STK36: variants seen among roughly 807,000 people sequenced by gnomAD.
STK36 encodes serine/threonine kinase 36.
Under a neutral mutation model 142.2 loss-of-function variants are expected in STK36, and 116 were observed. The observed-to-expected ratio is 0.82, with a 90% CI of 0.70 to 0.95. STK36 has a LOEUF of 0.95. STK36 is among the 40% of genes least tolerant of loss of function. The pLI is 0.00. For synonymous variants in STK36, 619 were observed against 641.7 expected (o/e 0.96, Z 0.53); for missense variants, 1,422 against 1,617.2 (o/e 0.88, Z 2.07).
intron 7 of STK36, 133 bp from the exon 8 acceptor site, chr2:218,679,427 A>G (rs1039601082): frequency 1.7e-5 from 22 of 1,305,520 alleles, no homozygotes; most frequent in Middle Eastern, 2.6e-4. Context: ...CTTACAACCC[A>G]CTCTCTCTCT....
At chr2:218,675,604 A>T in intron 5 of STK36, 131 bp downstream of exon 5, 2 of 1,112,862 alleles carry the variant, frequency 1.8e-6, no homozygotes, top group Non-Finnish European at 1.2e-6. Flanking sequence ...CACTCACCAC[A>T]ACCTCTGCCT....
Position 218,694,390 on chromosome 2 carries a change from G to T in STK36, c.2400+63G>T, listed in dbSNP as rs1291912269. On this transcript the variant is annotated intron_variant, in intron 20 of 26. Coordinates refer to ENST00000295709, the MANE Select transcript of STK36 (RefSeq NM_015690.5). This position sits in a 1 kb window ranked among gnomAD's most constrained non-coding sequence, Gnocchi z 4.4. ...CTAGCATCTACCCCTTGTGGAAGTGGGGGAGTCACTATCCAATTTGCATCT... is the reference window on the plus strand; with the variant it reads ...CTAGCATCTACCCCTTGTGGAAGTGTGGGAGTCACTATCCAATTTGCATCT... 6.5e-7 allele frequency: 1 copy of T among 1,542,044 alleles called. No homozygotes were observed. Among genetic ancestry groups the T allele is most frequent in the Non-Finnish European group, 9.0e-7 (1 of 1,114,776 alleles).
chr2:218,695,450 T>G (rs1020919168), intron 21 of STK36, among the ~76,000 whole-genome samples: 3 of 150,836 alleles, frequency 2.0e-5, no homozygotes, highest in Admixed American at 2.0e-4. Context: ...GGTCTCGAAC[T>G]CCTGACCTCA....
chr2:218,675,385 C>G lies in STK36; in HGVS notation c.346C>G (p.Leu116Val), dbSNP rs139721261. ...AAQLVSALYY[L>V]HSHRILHRDM... The stretch of plus-strand genomic sequence containing the variant: ...CCAGTTGGTGTCAGCCCTGTACTAT[C>G]TGCATTCCCACCGCATCCTACACCG... Residue 116 changes from leucine (L) to valine (V), a missense_variant, in exon 5 of 27, where the codon CTG becomes GTG. By Grantham distance (32) the Leu-to-Val change is conservative. Around this residue, in one of 2 missense-constraint regions of STK36, gnomAD observed 460 missense variants for 449.6 expected, o/e 1.02. Coordinates refer to ENST00000295709, the MANE Select transcript of STK36 (RefSeq NM_015690.5). 6.2e-7 allele frequency: 1 copy of G among 1,612,682 alleles called. No homozygotes were observed. The highest frequency in any genetic ancestry group is 8.5e-7 in the Non-Finnish European group (1 of 1,179,582).
At chr2:218,697,719 T>C (rs1477382460) in intron 24 of STK36, 109 bp downstream of exon 24, 2 of 1,586,934 alleles carry the variant, frequency 1.3e-6, no homozygotes, top group African/African-American at 1.3e-5. Flanking sequence ...AAAGATGAGA[T>C]CAGGTTTAGG....
intron 10 of STK36, among the ~76,000 whole-genome samples, chr2:218,682,560 C>T (rs763053261): frequency 7.2e-5 from 11 of 152,084 alleles, no homozygotes; most frequent in Non-Finnish European, 1.2e-4. Context: ...TTTTCTGCTC[C>T]ATGATCCAAT....
In STK36 at chr2:218,673,845, T is replaced by G. The variant is rs770995159; in HGVS notation, c.226-34T>G. 8 of 1,614,202 alleles carry G rather than the reference T, an allele frequency of 5.0e-6. No individual in the cohort carries two copies. In the Admixed American group the frequency reaches 6.7e-5, roughly 13 times the overall value. ...TTCCCAACCTCAGAATGCATGAATC[T>G]GGAGCCATCAGTGCCACTGCCTTCT... On this transcript the variant is annotated intron_variant, in intron 3 of 26. Coordinates refer to ENST00000295709, the MANE Select transcript of STK36 (RefSeq NM_015690.5).
chr2:218,697,216 A>T lies in STK36; in HGVS notation c.2761+3A>T. 6.2e-7 allele frequency: 1 copy of T among 1,610,306 alleles called. No homozygotes were observed. Among genetic ancestry groups the T allele is most frequent in the Non-Finnish European group, 8.5e-7 (1 of 1,178,570 alleles). On this transcript the variant is annotated splice_donor_region_variant and intron_variant, in intron 23 of 26. Transcript: ENST00000295709. Reference sequence around the variant, plus strand: ...CTGGACACTGATTTCTCCCCAGGGTATCTTTCTATCAGTATCCTTTTTGGG... The same window carrying T: ...CTGGACACTGATTTCTCCCCAGGGTTTCTTTCTATCAGTATCCTTTTTGGG...
chr2:218,700,758 T>C (rs1211846636), intron 26 of STK36, among the ~76,000 whole-genome samples: 1 of 150,166 alleles, frequency 6.7e-6, no homozygotes, highest in Non-Finnish European at 1.5e-5. Context: ...TTGCCTGTAA[T>C]CCCAGCACTT....
At chr2:218,700,700 C>T (rs930171697) in intron 26 of STK36, among the ~76,000 whole-genome samples, 14 of 151,732 alleles carry the variant, frequency 9.2e-5, no homozygotes, top group African/African-American at 2.9e-4. Flanking sequence ...CCTGCCTGAC[C>T]GCGATTTTCA....
rs2303566 is a variant in STK36 at position 218,693,015 on chromosome 2, G to A, written c.2044-225G>A. 0.54 allele frequency among the ~76,000 whole-genome samples: 82,630 copies of A among 152,034 alleles called. 25,587 individuals are homozygous for A. Among genetic ancestry groups the A allele is most frequent in the African/African-American group, 0.85 (35,435 of 41,476 alleles). ...TCAGCTTTCCTGATCCCTGTTGGTC[G>A]GTAATCCTTTCCTCTGTACCTGGCT... On this transcript the variant is annotated intron_variant, in intron 16 of 26. Coordinates refer to ENST00000295709, the MANE Select transcript of STK36 (RefSeq NM_015690.5).
In STK36 at chr2:218,680,611, G is replaced by A. The variant is rs868728920; in HGVS notation, c.1145G>A (p.Arg382Gln). Reference protein sequence around the residue: ...GEVPSAPRENRTTPDCERAFP... With the variant: ...GEVPSAPRENQTTPDCERAFP... Reference sequence around the variant, plus strand: ...TTGGCTTCCTCCGGCAGGGAAAACCGGACCACCCCAGATTGTGAACGAGCA... The same window carrying A: ...TTGGCTTCCTCCGGCAGGGAAAACCAGACCACCCCAGATTGTGAACGAGCA... The change falls in exon 10 of 27, where the codon CGG (arginine) becomes CAG (glutamine). Residue 382 changes from arginine (R) to glutamine (Q), a missense_variant. By Grantham distance (43) the Arg-to-Gln change is conservative. This residue lies in a region of STK36 where 962 missense variants were observed against 1,167.5 expected (regional missense o/e 0.82). Transcript: ENST00000295709. 44 of 1,612,698 alleles carry A rather than the reference G, an allele frequency of 2.7e-5. 2 individuals carry two copies. In the Middle Eastern group the frequency reaches 3.8e-3, roughly 139 times the overall value.
At chr2:218,686,185 C>T (rs564348845) in intron 11 of STK36, among the ~76,000 whole-genome samples, 35 of 152,140 alleles carry the variant, frequency 2.3e-4, no homozygotes, top group African/African-American at 5.8e-4. Flanking sequence ...GTGATCCGCC[C>T]GCCTCAGCCT....
Position 218,698,868 on chromosome 2 carries a change from T to G in STK36, c.3324T>G (p.Asp1108Glu). 1 of 1,614,226 alleles carries G rather than the reference T, an allele frequency of 6.2e-7. No individual in the cohort carries two copies. The highest frequency in any genetic ancestry group is 8.5e-7 in the Non-Finnish European group (1 of 1,180,040). Residue 1108 changes from aspartate to glutamate, a missense_variant, in exon 26 of 27, where the codon GAT (aspartate) becomes GAG (glutamate). Transcript: ENST00000295709. ...TCCAAGAGCTTCTGGCTGGCTCTGA[T>G]GAATCCTATCGGCCCCTGCGCAGCC... ...SFIQELLAGSDESYRPLRSLL... is the reference protein window; with the variant it reads ...SFIQELLAGSEESYRPLRSLL...
intron 17 of STK36, 56 bp downstream of exon 17, chr2:218,693,400 G>A: frequency 6.6e-7 from 1 of 1,510,942 alleles, no homozygotes; most frequent in South Asian, 1.1e-5. Flanking sequence ...AGTGCAGACA[G>A]AGAAGCAGAG....
At chr2:218,690,428 T>C in intron 13 of STK36, 22 bp from the exon 14 acceptor site, 3 of 1,602,580 alleles carry the variant, frequency 1.9e-6, no homozygotes, top group Non-Finnish European at 2.6e-6. Flanking sequence ...TAAGAAATCA[T>C]GGGCTCATTT....
intron 12 of STK36, 90 bp downstream of exon 12, chr2:218,688,966 A>C (rs1001879681): frequency 7.6e-7 from 1 of 1,317,458 alleles, no homozygotes. Flanking sequence ...CTTTGGTCTG[A>C]CTGCCTTTTA....
chr2:218,680,936 C>T (rs1017899154), intron 10 of STK36, among the ~76,000 whole-genome samples: 2 of 152,112 alleles, frequency 1.3e-5, no homozygotes, highest in African/African-American at 4.8e-5. Context: ...CCAAGGTGAC[C>T]AGTGTTATTA....
chr2:218,676,633 T>C (rs1940261439), intron 6 of STK36, among the ~76,000 whole-genome samples: 1 of 151,336 alleles, frequency 6.6e-6, no homozygotes, highest in Non-Finnish European at 1.5e-5. Flanking sequence ...TTTTTTTTTT[T>C]TGAGACACAG....
Sources: gnomAD v4.1 joint callset for allele counts (sites outside exome capture counted in the v4.1 genomes callset) on GRCh38, gnomAD v4.1.1 for gene constraint, gnomAD v4.1.1 regional missense constraint, Gnocchi (gnomAD v3.1) non-coding constraint, MANE v1.5 for transcripts, NCBI Gene and HGNC (gene_info 2026-07-23, HGNC 2026-07-21) for gene names.